The following LRRC36 variants were observed in gnomAD, a reference collection of about 807,000 sequenced individuals.
LRRC36 encodes leucine rich repeat containing 36.
LRRC36 carries 62 observed loss-of-function variants against 81.1 expected under a neutral mutation model. That is an observed-to-expected ratio of 0.76 (90% CI 0.62 to 0.94). The LOEUF (loss-of-function observed/expected upper bound fraction) is 0.94, where lower values mean the gene tolerates loss of function less well. Among genes scored for constraint, LRRC36 ranks in the 40% least tolerant of loss-of-function variants. The probability of loss-of-function intolerance (pLI) is 0.00; values close to 1 mark genes in which losing one functional copy is unlikely to be tolerated. For missense variants in LRRC36, 761 were observed against 881.7 expected (o/e 0.86, Z 1.73); for synonymous variants, 334 against 348.6 (o/e 0.96, Z 0.47).
At chr16:67,373,490 T>C (rs2039747665) in intron 9 of LRRC36, among the ~76,000 whole-genome samples, 1 of 151,686 alleles carries the variant, frequency 6.6e-6, no homozygotes. Context: ...GCAGATCACC[T>C]GAAGTCAGGA....
chr16:67,335,895 G>A (rs2037738526), intron 1 of LRRC36, among the ~76,000 whole-genome samples: 1 of 152,142 alleles, frequency 6.6e-6, no homozygotes, highest in African/African-American at 2.4e-5. Context: ...ACTACGCCCA[G>A]CTAATTTTGT....
intron 8 of LRRC36, among the ~76,000 whole-genome samples, chr16:67,368,439 G>A (rs1009471578): frequency 1.3e-5 from 2 of 152,178 alleles, no homozygotes; most frequent in Non-Finnish European, 2.9e-5. Context: ...GAATGAAGTG[G>A]GAGTATAAGC....
intron 6 of LRRC36, 81 bp downstream of exon 6, chr16:67,363,795 G>A: frequency 6.7e-7 from 1 of 1,493,752 alleles, no homozygotes; most frequent in Non-Finnish European, 9.2e-7. Flanking sequence ...AATTATTTAT[G>A]AAGGTCTCAG....
chr16:67,352,877 C>T (rs2038720841), intron 5 of LRRC36, among the ~76,000 whole-genome samples: 1 of 151,562 alleles, frequency 6.6e-6, no homozygotes, highest in Non-Finnish European at 1.5e-5. Context: ...GGGGGTTTTG[C>T]CATTTTTCCA....
intron 3 of LRRC36, among the ~76,000 whole-genome samples, chr16:67,346,671 T>C (rs970805647): frequency 6.6e-6 from 1 of 152,196 alleles, no homozygotes; most frequent in Non-Finnish European, 1.5e-5. Context: ...TTTAGTTTTC[T>C]TCAGTTGATG....
intron 1 of LRRC36, among the ~76,000 whole-genome samples, chr16:67,339,933 A>G (rs2037949619): frequency 6.6e-6 from 1 of 152,090 alleles, no homozygotes; most frequent in Non-Finnish European, 1.5e-5. Flanking sequence ...ACCTGAGGTC[A>G]GGAGTTTGAG....
chr16:67,376,667 A>G, intron 10 of LRRC36, 60 bp from the exon 11 acceptor site: 2 of 1,548,644 alleles, frequency 1.3e-6, no homozygotes, highest in Non-Finnish European at 1.8e-6. Context: ...GTTACTGACT[A>G]GGAATGCTGT....
At position 67,367,224 on chromosome 16, in the gene LRRC36, C is replaced by T; in HGVS notation, c.962C>T (p.Pro321Leu). The change falls in exon 8 of 14, where the codon CCC becomes CTC. Residue 321 changes from proline (P) to leucine (L), a missense_variant. Coordinates refer to ENST00000329956, the MANE Select transcript of LRRC36 (RefSeq NM_018296.6). ...LDVGDSSQIH[P>L]YQLPSDVGLE... ...GTGGGTGATTCTAGCCAGATCCATC[C>T]CTATCAGTTACCTTCAGATGTTGGT... is the stretch of plus-strand genomic sequence containing the variant. 1 of 1,614,118 alleles carries T rather than the reference C, an allele frequency of 6.2e-7. No individual in the cohort carries two copies. Among genetic ancestry groups the T allele is most frequent in the Non-Finnish European group, 8.5e-7 (1 of 1,179,990 alleles).
chr16:67,379,313 G>C (rs2040026670), intron 12 of LRRC36, among the ~76,000 whole-genome samples: 1 of 152,122 alleles, frequency 6.6e-6, no homozygotes, highest in Non-Finnish European at 1.5e-5. Context: ...AGCCAAAGAG[G>C]CTGAGGCAGA....
intron 1 of LRRC36, among the ~76,000 whole-genome samples, chr16:67,331,849 G>A (rs1229442195): frequency 1.3e-5 from 2 of 151,964 alleles, no homozygotes; most frequent in African/African-American, 2.4e-5. Context: ...TTAGCTGGGC[G>A]GGGTGGCACA....
chr16:67,331,948 A>G (rs1425203620), intron 1 of LRRC36, among the ~76,000 whole-genome samples: 1 of 151,854 alleles, frequency 6.6e-6, no homozygotes, highest in Non-Finnish European at 1.5e-5. Flanking sequence ...AGATCACACC[A>G]TTGCACTCCA....
intron 1 of LRRC36, among the ~76,000 whole-genome samples, chr16:67,340,639 G>T (rs1364230127): frequency 6.6e-6 from 1 of 151,612 alleles, no homozygotes; most frequent in Non-Finnish European, 1.5e-5. Flanking sequence ...TTGGGCGAAA[G>T]AGCAAGACTC....
At chr16:67,382,496 C>G (rs2040150001) in intron 13 of LRRC36, among the ~76,000 whole-genome samples, 1 of 152,200 alleles carries the variant, frequency 6.6e-6, no homozygotes, top group Non-Finnish European at 1.5e-5. Flanking sequence ...CTCACTGGAT[C>G]TGATGGGACC....
intron 1 of LRRC36, among the ~76,000 whole-genome samples, chr16:67,339,435 TAA>T (rs1172607370): frequency 1.3e-5 from 2 of 152,202 alleles, no homozygotes; most frequent in Non-Finnish European, 2.9e-5. Context: ...TTTGAAATAT[TAA>T]GTTACAGTTT....
intron 12 of LRRC36, among the ~76,000 whole-genome samples, chr16:67,380,599 CTAAA>C (rs765226577): frequency 6.6e-6 from 1 of 152,106 alleles, no homozygotes; most frequent in Non-Finnish European, 1.5e-5. Flanking sequence ...AATCTCAGCA[CTAAA>C]TAAATAAATA....
In LRRC36 at chr16:67,346,314, C is replaced by T; in HGVS notation, c.257C>T (p.Ser86Leu). Reference sequence around the variant, plus strand: ...AATTTATATTATAACAACATTCCTTCATTAGTGGAAGTGTCCCGTCTACAA... The same window carrying T: ...AATTTATATTATAACAACATTCCTTTATTAGTGGAAGTGTCCCGTCTACAA... ...DLNLYYNNIP[S>L]LVEVSRLQPL... Residue 86 changes from serine (S) to leucine (L), a missense_variant, in exon 3 of 14, where the codon TCA becomes TTA. Transcript: ENST00000329956. 6.2e-7 allele frequency: 1 copy of T among 1,611,886 alleles called. No individual in the cohort carries two copies. The highest frequency in any genetic ancestry group is 8.5e-7 in the Non-Finnish European group (1 of 1,178,412).
At chr16:67,340,276 T>C (rs78094270) in intron 1 of LRRC36, among the ~76,000 whole-genome samples, 13,478 of 152,248 alleles carry the variant, frequency 0.089, 985 homozygotes, top group African/African-American at 0.21. Context: ...CTTCCAGTTT[T>C]GGTTGCTATT....
chr16:67,330,964 T>C (rs950161745), intron 1 of LRRC36, among the ~76,000 whole-genome samples: 73 of 152,150 alleles, frequency 4.8e-4, no homozygotes, highest in African/African-American at 1.7e-3. Flanking sequence ...TTGATTTGGC[T>C]CATGGTTCTG....
chr16:67,352,502 CTCTT>C (rs2038691483), intron 5 of LRRC36, among the ~76,000 whole-genome samples: 1 of 152,090 alleles, frequency 6.6e-6, no homozygotes, highest in African/African-American at 2.4e-5. Flanking sequence ...TAATCATTGA[CTCTT>C]TGAAAGGTTC....
Sources: allele counts gnomAD v4.1 joint callset (sites outside exome capture counted in the v4.1 genomes callset), GRCh38; gene constraint gnomAD v4.1.1; transcripts MANE v1.5; gene names NCBI Gene and HGNC (gene_info 2026-07-23, HGNC 2026-07-21).